Variants in RBFOX1 observed in about 807,000 individuals in gnomAD.
RBFOX1 encodes RNA binding fox-1 homolog 1.
Under a neutral mutation model 57.7 loss-of-function variants are expected in RBFOX1, and 8 were observed. That is an observed-to-expected ratio of 0.14 (90% confidence interval 0.08 to 0.25). The LOEUF (loss-of-function observed/expected upper bound fraction) is 0.25, where lower values mean the gene tolerates loss of function less well. Among genes scored for constraint, RBFOX1 ranks in the 10% least tolerant of loss-of-function variants. The pLI is 1.00. For missense variants in RBFOX1, 611 were observed against 548.5 expected, an observed-to-expected ratio of 1.11 and a Z score of -1.14; for synonymous variants, 326 against 222.4, an observed-to-expected ratio of 1.47 and a Z score of -4.15.
intron 4 of RBFOX1, among the ~76,000 whole-genome samples, chr16:7,507,590 G>T (rs1169943218): frequency 2.2e-5 from 3 of 135,714 alleles, no homozygotes; most frequent in African/African-American, 2.8e-5. Context: ...TTGAGACGGA[G>T]TCTTGCTGTG....
chr16:7,073,818 C>T (rs566128197), intron 4 of RBFOX1, among the ~76,000 whole-genome samples: 1 of 152,176 alleles, frequency 6.6e-6, no homozygotes, highest in African/African-American at 2.4e-5. Context: ...GATTTCATGA[C>T]TGCACTCCAG....
At chr16:7,165,148 A>C (rs1044768780) in intron 4 of RBFOX1, among the ~76,000 whole-genome samples, 1 of 152,050 alleles carries the variant, frequency 6.6e-6, no homozygotes, top group Non-Finnish European at 1.5e-5. Flanking sequence ...CTGGGTCCCT[A>C]CTTGTGTTGA....
intron 1 of RBFOX1, among the ~76,000 whole-genome samples, chr16:6,234,782 C>T (rs1462065346): frequency 1.3e-5 from 2 of 151,962 alleles, no homozygotes; most frequent in South Asian, 2.1e-4. Flanking sequence ...TCTATACATA[C>T]ACATGAACCA....
chr16:6,449,131 T>C (rs1249006087), intron 2 of RBFOX1, among the ~76,000 whole-genome samples: 1 of 152,212 alleles, frequency 6.6e-6, no homozygotes, highest in Admixed American at 6.5e-5. Context: ...GACCCTTCGC[T>C]AATCACAGAG....
chr16:7,666,879 C>A (rs970509532), intron 13 of RBFOX1, among the ~76,000 whole-genome samples: 1 of 152,160 alleles, frequency 6.6e-6, no homozygotes, highest in African/African-American at 2.4e-5. Flanking sequence ...GCCAAGCCCA[C>A]TGGGTGCAGC....
At chr16:6,103,373 T>C (rs571989656) in intron 1 of RBFOX1, among the ~76,000 whole-genome samples, 2 of 152,266 alleles carry the variant, frequency 1.3e-5, no homozygotes, top group South Asian at 4.1e-4. Context: ...AGATGACATA[T>C]GTAAGATATC....
In RBFOX1 at chr16:5,504,496, G is replaced by A. The variant is rs1284771115; in HGVS notation, c.258+37242G>A. On this transcript the variant is annotated intron_variant, in intron 2 of 2. Coordinates refer to the RBFOX1 transcript ENST00000585867. ...GCTGAGGCAGTCACTGTCCACACAC[G>A]CACGATCATAAAAATGCCTCCATTC... 8.5e-5 allele frequency among the ~76,000 whole-genome samples: 13 copies of A among 152,226 alleles called. 1 individual carries two copies. The highest frequency in any genetic ancestry group is 7.2e-4 in the Admixed American group (11 of 15,274).
At chr16:5,931,952 C>T (rs1323234184) in intron 4 of RBFOX1, among the ~76,000 whole-genome samples, 2 of 151,194 alleles carry the variant, frequency 1.3e-5, no homozygotes, top group African/African-American at 4.8e-5. Context: ...GGACAACAAG[C>T]ATGCACCATC....
intron 2 of RBFOX1, among the ~76,000 whole-genome samples, chr16:6,585,097 A>G (rs1012648248): frequency 1.3e-5 from 2 of 152,166 alleles, no homozygotes; most frequent in African/African-American, 4.8e-5. Context: ...GTGCACTTTC[A>G]TAATACACAA....
intron 3 of RBFOX1, among the ~76,000 whole-genome samples, chr16:6,973,616 C>T (rs2086094798): frequency 6.6e-6 from 1 of 152,030 alleles, no homozygotes; most frequent in Non-Finnish European, 1.5e-5. Context: ...TTGTTTTTGA[C>T]AGTTATCAAA....
chr16:7,386,046 C>T (rs898824004), intron 4 of RBFOX1, among the ~76,000 whole-genome samples: 2 of 151,806 alleles, frequency 1.3e-5, no homozygotes, highest in African/African-American at 4.8e-5. Context: ...GGCTCAGCCT[C>T]CCAAAGTGCT....
At chr16:7,362,231 TTG>T (rs781559201) in intron 4 of RBFOX1, among the ~76,000 whole-genome samples, 6 of 151,460 alleles carry the variant, frequency 4.0e-5, no homozygotes, top group Non-Finnish European at 5.9e-5. Context: ...TTTGTGTGTT[TTG>T]TGTGTGTTAG....
At chr16:5,434,950 C>G (rs2067871548) in intron 1 of RBFOX1, among the ~76,000 whole-genome samples, 1 of 152,162 alleles carries the variant, frequency 6.6e-6, no homozygotes, top group African/African-American at 2.4e-5. Flanking sequence ...CATCTCTTTC[C>G]TCCTGCTATT....
chr16:5,574,247 T>C (rs1339971025), intron 2 of RBFOX1, among the ~76,000 whole-genome samples: 9 of 152,216 alleles, frequency 5.9e-5, no homozygotes, highest in Non-Finnish European at 1.2e-4. Context: ...TCGTACAGTT[T>C]GATGCAGTGA....
chr16:6,614,405 A>G (rs1352101330), intron 2 of RBFOX1, among the ~76,000 whole-genome samples: 1 of 152,208 alleles, frequency 6.6e-6, no homozygotes, highest in East Asian at 1.9e-4. Flanking sequence ...CTGCCTAGAA[A>G]GAAGATGGTT....
At chr16:7,428,642 A>T (rs1416396876) in intron 4 of RBFOX1, among the ~76,000 whole-genome samples, 2 of 151,648 alleles carry the variant, frequency 1.3e-5, no homozygotes, top group Non-Finnish European at 2.9e-5. Context: ...TAGTGCTGGG[A>T]TTACAGGTGT....
chr16:7,617,474 G>A (rs532742224), intron 10 of RBFOX1, among the ~76,000 whole-genome samples: 5 of 152,038 alleles, frequency 3.3e-5, no homozygotes, highest in African/African-American at 7.2e-5. Context: ...AGAGCTCAGC[G>A]GTAATAAAGC....
chr16:7,149,087 A>G (rs2075615707), intron 4 of RBFOX1, among the ~76,000 whole-genome samples: 1 of 152,150 alleles, frequency 6.6e-6, no homozygotes, highest in Non-Finnish European at 1.5e-5. Context: ...CCTTTCTCAC[A>G]GTGGGAGACA....
intron 2 of RBFOX1, chr16:6,573,694 T>C (rs1003357425): frequency 6.6e-6 from 1 of 152,116 alleles, no homozygotes; most frequent in Non-Finnish European, 1.5e-5. Flanking sequence ...TGCTCAGGGG[T>C]GACGCGCCTC....
Sources: gnomAD v4.1 joint callset for allele counts (sites outside exome capture counted in the v4.1 genomes callset) on GRCh38, gnomAD v4.1.1 for gene constraint, MANE v1.5 for transcripts, NCBI Gene and HGNC (gene_info 2026-07-23, HGNC 2026-07-21) for gene names.